The following ST6GALNAC3 variants were observed in gnomAD, a reference collection of about 807,000 sequenced individuals.
The protein encoded by ST6GALNAC3 is alpha-N-acetylgalactosaminide alpha-2,6-sialyltransferase 3.
ST6GALNAC3 carries 25 observed loss-of-function variants against 32.7 expected under a neutral mutation model. The ratio of observed to expected loss-of-function variants is 0.76; its 90% confidence interval spans 0.56 to 1.07. The LOEUF (loss-of-function observed/expected upper bound fraction) is 1.07, where lower values mean the gene tolerates loss of function less well. ST6GALNAC3 is among the 50% of genes least tolerant of loss of function. ST6GALNAC3 has a pLI of 0.00. For synonymous variants in ST6GALNAC3, 129 were observed against 133.1 expected, an observed-to-expected ratio of 0.97 and a Z score of 0.21; for missense variants, 355 against 382.4, an observed-to-expected ratio of 0.93 and a Z score of 0.60.
intron 3 of ST6GALNAC3, among the ~76,000 whole-genome samples, chr1:76,540,169 T>C (rs1663900373): frequency 1.3e-5 from 2 of 152,186 alleles, no homozygotes; most frequent in Admixed American, 1.3e-4. Context: ...TGGAATACTA[T>C]GCAGCCATAA....
intron 2 of ST6GALNAC3, among the ~76,000 whole-genome samples, chr1:76,351,579 C>T (rs533336741): frequency 3.3e-5 from 5 of 151,952 alleles, no homozygotes; most frequent in Non-Finnish European, 5.9e-5. Context: ...CCATTTTGTT[C>T]GTTTTTCTGA....
intron 1 of ST6GALNAC3, among the ~76,000 whole-genome samples, chr1:76,123,299 G>T (rs1440408793): frequency 6.6e-6 from 1 of 150,762 alleles, no homozygotes; most frequent in South Asian, 2.1e-4. Context: ...GAATTGCTTG[G>T]ACCCGGGAGG....
At chr1:76,406,840 T>G (rs551769541) in intron 2 of ST6GALNAC3, among the ~76,000 whole-genome samples, 98 of 152,116 alleles carry the variant, frequency 6.4e-4, no homozygotes, top group African/African-American at 2.3e-3. Context: ...TTGGACATCA[T>G]GTTTATCTCA....
Position 76,465,171 on chromosome 1 carries a change from T to C in ST6GALNAC3, c.623+52754T>C, listed in dbSNP as rs368000825. ...CCCCCAAGTGACTAACAATCAAAAA[T>C]AGAATTTTCTGCATGTCAGATATTG... On this transcript the variant is annotated intron_variant, in intron 3 of 4. Coordinates refer to ENST00000328299, the MANE Select transcript of ST6GALNAC3 (RefSeq NM_152996.4). Among the ~76,000 whole-genome samples, 15 of 152,222 alleles carry C rather than the reference T, an allele frequency of 9.9e-5. No homozygotes were observed. In the South Asian group the frequency reaches 3.1e-3, roughly 32 times the overall value.
intron 3 of ST6GALNAC3, among the ~76,000 whole-genome samples, chr1:76,538,162 T>G (rs1258883390): frequency 2.0e-5 from 3 of 152,120 alleles, no homozygotes; most frequent in Non-Finnish European, 2.9e-5. Flanking sequence ...ATCAGAAAAT[T>G]TATCTGCTAT....
chr1:76,357,716 G>T (rs1045788312), intron 2 of ST6GALNAC3, among the ~76,000 whole-genome samples: 1 of 152,202 alleles, frequency 6.6e-6, no homozygotes, highest in Non-Finnish European at 1.5e-5. Flanking sequence ...TGGTCCGGCT[G>T]TTCTTTGATC....
intron 1 of ST6GALNAC3, among the ~76,000 whole-genome samples, chr1:76,223,852 C>T (rs1385730231): frequency 1.3e-5 from 2 of 152,090 alleles, no homozygotes; most frequent in African/African-American, 4.8e-5. Context: ...TTTACTATTG[C>T]CTCCAGCAGG....
At chr1:76,077,415 A>G (rs985513856) in intron 1 of ST6GALNAC3, among the ~76,000 whole-genome samples, 24 of 152,230 alleles carry the variant, frequency 1.6e-4, no homozygotes, top group Admixed American at 1.2e-3. Context: ...GGAAAAACAT[A>G]CACATTTTAT....
chr1:76,446,875 C>A (rs1242433657), intron 3 of ST6GALNAC3, among the ~76,000 whole-genome samples: 2 of 152,106 alleles, frequency 1.3e-5, no homozygotes, highest in African/African-American at 4.8e-5. Context: ...AACCCTTTTT[C>A]CTGTATAAAT....
At chr1:76,229,197 C>A (rs1303032539) in intron 1 of ST6GALNAC3, among the ~76,000 whole-genome samples, 1 of 152,132 alleles carries the variant, frequency 6.6e-6, no homozygotes, top group African/African-American at 2.4e-5. Context: ...AGACTTGTAA[C>A]AAGTCAGATT....
chr1:76,349,529 T>G (rs1302939275), intron 2 of ST6GALNAC3, among the ~76,000 whole-genome samples: 2 of 152,182 alleles, frequency 1.3e-5, no homozygotes, highest in Non-Finnish European at 2.9e-5. Flanking sequence ...TTTGAATTTT[T>G]GTTTTCCCCC....
At chr1:76,394,844 AT>A (rs1652824270) in intron 2 of ST6GALNAC3, among the ~76,000 whole-genome samples, 1 of 152,174 alleles carries the variant, frequency 6.6e-6, no homozygotes, top group South Asian at 2.1e-4. Context: ...GGCTGTGATA[AT>A]GACCTTTGTT....
intron 2 of ST6GALNAC3, among the ~76,000 whole-genome samples, chr1:76,340,774 C>A (rs1386387815): frequency 6.6e-6 from 1 of 151,842 alleles, no homozygotes; most frequent in Non-Finnish European, 1.5e-5. Context: ...AAGGCTTCCC[C>A]TGGAAGCTGG....
rs1333191938 is a variant in ST6GALNAC3 at position 76,112,381 on chromosome 1, C to T, written c.18+37497C>T. On this transcript the variant is annotated intron_variant, in intron 1 of 4. Transcript: ENST00000328299. ...TGGCCGGGCGGGGGGCTGACCCCCC[C>T]ACCTCCTTCCCGGACTGGGCGGCTG... 4.2e-5 allele frequency among the ~76,000 whole-genome samples: 6 copies of T among 143,978 alleles called. No individual in the cohort carries two copies. The East Asian group carries it at 1.3e-3, about 31-fold the overall frequency. The allele number at this position is 143,978 out of a possible 152,430, so 94.5% of individuals were successfully genotyped here.
At chr1:76,147,790 A>G (rs995468998) in intron 1 of ST6GALNAC3, among the ~76,000 whole-genome samples, 2 of 151,858 alleles carry the variant, frequency 1.3e-5, no homozygotes, top group African/African-American at 4.8e-5. Context: ...CTTGGTCTTT[A>G]TTCCCTACTC....
rs17098700 is a variant in ST6GALNAC3 at position 76,317,726 on chromosome 1, A to G, written c.213+3727A>G. On this transcript the variant is annotated intron_variant, in intron 2 of 4. Transcript: ENST00000328299. ...CTGTTAATGATGGGTTTACTGCCTG[A>G]TGCTTCAGCTTGGCCAGAAGTTGCT... Among the ~76,000 whole-genome samples, 1,030 of 152,224 alleles carry G rather than the reference A, an allele frequency of 6.8e-3. 10 individuals are homozygous for G. The highest frequency in any genetic ancestry group is 0.024 in the African/African-American group (989 of 41,542).
chr1:76,106,933 G>A (rs939489560), intron 1 of ST6GALNAC3, among the ~76,000 whole-genome samples: 2 of 152,174 alleles, frequency 1.3e-5, no homozygotes, highest in Non-Finnish European at 2.9e-5. Context: ...CTCAAGACTT[G>A]TACATAGAGT....
intron 3 of ST6GALNAC3, among the ~76,000 whole-genome samples, chr1:76,561,860 C>T (rs1372245038): frequency 6.6e-6 from 1 of 152,178 alleles, no homozygotes; most frequent in African/African-American, 2.4e-5. Flanking sequence ...ACCTACATGT[C>T]TGTCAACTGA....
intron 2 of ST6GALNAC3, among the ~76,000 whole-genome samples, chr1:76,319,534 C>T (rs1034212580): frequency 6.6e-6 from 1 of 152,026 alleles, no homozygotes. Flanking sequence ...GCACACACTC[C>T]ACACATTTAA....
Sources: gnomAD v4.1 joint callset for allele counts (sites outside exome capture counted in the v4.1 genomes callset) on GRCh38, gnomAD v4.1.1 for gene constraint, MANE v1.5 for transcripts, NCBI Gene and HGNC (gene_info 2026-07-23, HGNC 2026-07-21) for gene names.